The following ATP11C variants were observed in gnomAD, a reference collection of about 807,000 sequenced individuals.
ATP11C encodes the protein phospholipid-transporting ATPase IG.
In ATP11C, 36 loss-of-function variants were observed where a neutral mutation model predicts 97.4. The ratio of observed to expected loss-of-function variants is 0.37; its 90% CI spans 0.28 to 0.49. The LOEUF (loss-of-function observed/expected upper bound fraction) is 0.49, where lower values mean the gene tolerates loss of function less well. ATP11C is among the 20% of genes least tolerant of loss of function. The probability of loss-of-function intolerance (pLI) is 0.98; values close to 1 mark genes in which losing one functional copy is unlikely to be tolerated. For synonymous variants in ATP11C, 275 were observed against 290.9 expected (o/e 0.95, Z 0.56); for missense variants, 730 against 824.6 (o/e 0.89, Z 1.40).
At chrX:139,743,209 GCTCT>G (rs1037196834) in intron 26 of ATP11C, among the ~76,000 whole-genome samples, 11 of 105,755 alleles carry the variant, frequency 1.0e-4, no homozygotes, top group African/African-American at 1.0e-4. Context: ...TCTCTCTCTC[GCTCT>G]CTCTCTCACT....
chrX:139,814,544 A>T (rs1462402340), intron 5 of ATP11C, among the ~76,000 whole-genome samples: 1 of 112,299 alleles, frequency 8.9e-6, no homozygotes. Flanking sequence ...AAAAGGAATG[A>T]AATGCTGCTA....
At chrX:139,847,180 T>A (rs1038488606) in intron 1 of ATP11C, among the ~76,000 whole-genome samples, 1 of 110,317 alleles carries the variant, frequency 9.1e-6, no homozygotes, top group Non-Finnish European at 1.9e-5. Context: ...AGCTCAGGAG[T>A]TCGAGACAAG....
At chrX:139,890,726 G>C (rs979348023) in intron 1 of ATP11C, among the ~76,000 whole-genome samples, 4 of 112,358 alleles carry the variant, frequency 3.6e-5, no homozygotes, top group African/African-American at 1.3e-4. Flanking sequence ...AGATAACCTG[G>C]ACTGAAGTAG....
chrX:139,770,305 T>C (rs2082229120), intron 19 of ATP11C, among the ~76,000 whole-genome samples: 1 of 112,334 alleles, frequency 8.9e-6, no homozygotes, highest in Non-Finnish European at 1.9e-5. Context: ...TATTGAGACA[T>C]ATCCACACAG....
At chrX:139,740,706 T>C (rs2081536897) in intron 27 of ATP11C, among the ~76,000 whole-genome samples, 1 of 111,226 alleles carries the variant, frequency 9.0e-6, no homozygotes, top group Non-Finnish European at 1.9e-5. Context: ...TGCTGAAAAC[T>C]ATAGTTTCAC....
chrX:139,931,361 G>C (rs1361652880), intron 1 of ATP11C, among the ~76,000 whole-genome samples: 1 of 112,440 alleles, frequency 8.9e-6, no homozygotes, highest in Non-Finnish European at 1.9e-5. Context: ...TCAGACCAGA[G>C]ATCGGCAGCA....
intron 2 of ATP11C, 84 bp from the exon 3 acceptor site, chrX:139,819,511 T>A: frequency 8.0e-6 from 3 of 373,535 alleles, no homozygotes; most frequent in South Asian, 9.8e-5. Flanking sequence ...GGGTCCACAT[T>A]ATCATATAAA....
At chrX:139,804,058 A>G (rs1016817053) in intron 6 of ATP11C, among the ~76,000 whole-genome samples, 1 of 111,267 alleles carries the variant, frequency 9.0e-6, no homozygotes, top group Non-Finnish European at 1.9e-5. Flanking sequence ...CCTACATCCC[A>G]AGAATATACA....
At chrX:139,749,883 T>C (rs1322433777) in intron 24 of ATP11C, 142 bp downstream of exon 24, 2 of 577,458 alleles carry the variant, frequency 3.5e-6, no homozygotes, top group African/African-American at 4.6e-5. Flanking sequence ...GCAGTCTGCT[T>C]TCAATAGCTA....
intron 1 of ATP11C, among the ~76,000 whole-genome samples, chrX:139,844,900 T>C (rs1266037186): frequency 8.9e-6 from 1 of 111,853 alleles, no homozygotes; most frequent in Non-Finnish European, 1.9e-5. Flanking sequence ...TTATCTAATA[T>C]TGCACAGATT....
rs753099457 is a variant in ATP11C, at chrX:139,885,246, G to A, written c.27+46770C>T. On this transcript the variant is annotated intron_variant, in intron 1 of 29. Transcript: ENST00000682941. ...CGATACCATACAGTGAGCTAATAAC[G>A]GTTTTATCCAAAACACCTGCATTTA... Among the ~76,000 whole-genome samples the A allele has an allele frequency of 1.6e-4, 18 of 110,136 alleles. 1 individual carries two copies. The East Asian group carries it at 4.3e-3, about 26-fold the overall frequency.
At chrX:139,779,477 G>A (rs764539887) in intron 18 of ATP11C, among the ~76,000 whole-genome samples, 1 of 111,867 alleles carries the variant, frequency 8.9e-6, no homozygotes, top group South Asian at 3.7e-4. Flanking sequence ...ACTTGCTCCT[G>A]AATAACTTTT....
chrX:139,910,605 C>CAA (rs777274885), intron 1 of ATP11C, among the ~76,000 whole-genome samples: 831 of 66,966 alleles, frequency 0.012, 17 homozygotes, highest in African/African-American at 0.043. Flanking sequence ...GACTCTGTCT[C>CAA]AAAAAAAAAA....
intron 1 of ATP11C, among the ~76,000 whole-genome samples, chrX:139,895,374 G>C (rs190295502): frequency 9.0e-6 from 1 of 111,173 alleles, no homozygotes; most frequent in African/African-American, 3.3e-5. Flanking sequence ...GGGTTCAAGC[G>C]ATTCTCCTGT....
At chrX:139,842,682 T>C (rs1183948545) in intron 1 of ATP11C, among the ~76,000 whole-genome samples, 4 of 112,194 alleles carry the variant, frequency 3.6e-5, no homozygotes, top group Non-Finnish European at 7.5e-5. Context: ...TGCGTAGAGT[T>C]TGTCTTAAAT....
chrX:139,803,284 T>C (rs2082963503), intron 6 of ATP11C, among the ~76,000 whole-genome samples: 1 of 112,251 alleles, frequency 8.9e-6, no homozygotes, highest in African/African-American at 3.2e-5. Flanking sequence ...ACTTTGTTTT[T>C]GAAAAGGTTA....
At chrX:139,801,836 G>A (rs762806217) in intron 7 of ATP11C, among the ~76,000 whole-genome samples, 1 of 111,792 alleles carries the variant, frequency 8.9e-6, no homozygotes, top group East Asian at 2.8e-4. Flanking sequence ...TCTAAGAAAG[G>A]ATAGAACCTA....
At chrX:139,755,604 C>A (rs969988789) in intron 23 of ATP11C, among the ~76,000 whole-genome samples, 6 of 111,587 alleles carry the variant, frequency 5.4e-5, no homozygotes, top group Non-Finnish European at 9.4e-5. Flanking sequence ...CTACAGTAAC[C>A]AAAACCGCAT....
intron 1 of ATP11C, among the ~76,000 whole-genome samples, chrX:139,873,008 T>C (rs2084402631): frequency 8.9e-6 from 1 of 112,552 alleles, no homozygotes; most frequent in South Asian, 3.7e-4. Flanking sequence ...CTAGTTGTAT[T>C]ACATAGTGGA....
Sources: allele counts gnomAD v4.1 joint callset (sites outside exome capture counted in the v4.1 genomes callset), GRCh38; gene constraint gnomAD v4.1.1; transcripts MANE v1.5; gene names NCBI Gene and HGNC (gene_info 2026-07-23, HGNC 2026-07-21).